Variants in ARRDC1 observed in about 807,000 individuals in gnomAD.
ARRDC1 encodes arrestin domain containing 1.
ARRDC1 carries 37 observed loss-of-function variants against 40.1 expected under a neutral mutation model. The ratio of observed to expected loss-of-function variants is 0.92; its 90% CI spans 0.71 to 1.21. ARRDC1 has a LOEUF of 1.21. Among genes scored for constraint, ARRDC1 ranks in the 50% most tolerant of loss-of-function variants. The pLI is 0.00. For synonymous variants in ARRDC1, 310 were observed against 262.5 expected, an observed-to-expected ratio of 1.18 and a Z score of -1.75; for missense variants, 641 against 581.9, an observed-to-expected ratio of 1.10 and a Z score of -1.04.
Position 137,608,022 on chromosome 9 carries a change from G to A in ARRDC1, c.118+2187G>A, listed in dbSNP as rs774189023. ...TTTCGAGACGGAGTCTCCCTCTGTCGCCCAGGCTGGAGTGTGCCGGCGCGA... is the reference window on the plus strand; with the variant it reads ...TTTCGAGACGGAGTCTCCCTCTGTCACCCAGGCTGGAGTGTGCCGGCGCGA... On this transcript the variant is annotated intron_variant, in intron 1 of 7. Transcript: ENST00000371421. 7.9e-5 allele frequency among the ~76,000 whole-genome samples: 12 copies of A among 151,892 alleles called. 1 individual carries two copies. Among genetic ancestry groups the A allele is most frequent in the South Asian group, 2.1e-4 (1 of 4,818 alleles).
chr9:137,605,728 T>G lies in ARRDC1; in HGVS notation c.11T>G (p.Val4Gly). The G allele has an allele frequency of 7.2e-7, 1 of 1,382,272 alleles. No individual in the cohort carries two copies. The highest frequency in any genetic ancestry group is 9.4e-7 in the Non-Finnish European group (1 of 1,064,878). The allele number at this position is 1,382,272 out of a possible 1,614,324, so 85.6% of individuals were successfully genotyped here. MGR[V>G]QLFEISLSHG... ...CGGTGAGGCCGCGGCATGGGGCGAG[T>G]GCAGCTCTTCGAGATCAGCCTGAGC... is the stretch of plus-strand genomic sequence containing the variant. The change falls in exon 1 of 8, where the codon GTG becomes GGG. Residue 4 changes from valine (V) to glycine (G), a missense_variant. Transcript: ENST00000371421.
At chr9:137,609,970 C>T (rs1472217944) in intron 1 of ARRDC1, among the ~76,000 whole-genome samples, 1 of 152,064 alleles carries the variant, frequency 6.6e-6, no homozygotes, top group Non-Finnish European at 1.5e-5. Flanking sequence ...CCCGCCACCA[C>T]ACCCGGCTAA....
chr9:137,613,197 G>T (rs1387009139), intron 2 of ARRDC1, 191 bp downstream of exon 2: 5 of 741,364 alleles, frequency 6.7e-6, no homozygotes, highest in African/African-American at 1.7e-5. Flanking sequence ...CCTCCCCCTT[G>T]TGCTGGATTT....
intron 1 of ARRDC1, among the ~76,000 whole-genome samples, chr9:137,606,890 C>T (rs1842433286): frequency 1.3e-5 from 2 of 152,228 alleles, no homozygotes; most frequent in South Asian, 2.1e-4. Flanking sequence ...AGGACCCTGT[C>T]GTCCTTCCCC....
rs144256580 is a variant in ARRDC1 at position 137,614,293 on chromosome 9, C to T, written c.619-6C>T. On this transcript the variant is annotated splice_region_variant and splice_polypyrimidine_tract_variant and intron_variant, in intron 5 of 7. Coordinates refer to ENST00000371421, the MANE Select transcript of ARRDC1 (RefSeq NM_152285.4). The stretch of plus-strand genomic sequence containing the variant: ...TGCGCAGGCTCACAGGCTGGTCCTT[C>T]CCCAGAAAGTGTCCTATAAGGCCAA... The T allele has an allele frequency of 3.3e-3, 5,190 of 1,586,426 alleles. 86 individuals are homozygous for T. The East Asian group carries it at 0.033, about 10-fold the overall frequency.
At position 137,613,015 on chromosome 9, in the gene ARRDC1, G is replaced by A; in HGVS notation, c.229+9G>A. The A allele has an allele frequency of 1.2e-6, 2 of 1,608,664 alleles. No homozygotes were observed. The highest frequency in any genetic ancestry group is 1.7e-6 in the Non-Finnish European group (2 of 1,175,746). ...GTCGCTGGCAGACAAGGGTAAGTTTGGGAGCCAGTTCCCGAGTGGTGACCC... is the reference window on the plus strand; with the variant it reads ...GTCGCTGGCAGACAAGGGTAAGTTTAGGAGCCAGTTCCCGAGTGGTGACCC... On this transcript the variant is annotated intron_variant, in intron 2 of 7. Transcript: ENST00000371421.
Position 137,614,722 on chromosome 9 carries a change from A to C in ARRDC1, c.959A>C (p.Glu320Ala), listed in dbSNP as rs1588992993. ...CCACCCCAGGAGGAGGCTGAGGCTGAGGCTGCGGCTGGCGGCCCCCACTTC... is the reference window on the plus strand; with the variant it reads ...CCACCCCAGGAGGAGGCTGAGGCTGCGGCTGCGGCTGGCGGCCCCCACTTC... ...SAPPQEEAEA[E>A]AAAGGPHFLD... is the part of the protein sequence containing the mutation. Residue 320 changes from glutamate to alanine, a missense_variant, in exon 7 of 8, where the codon GAG becomes GCG. By Grantham distance (107) the Glu-to-Ala change is moderately radical. Coordinates refer to ENST00000371421, the MANE Select transcript of ARRDC1 (RefSeq NM_152285.4). 6.2e-7 allele frequency: 1 copy of C among 1,609,034 alleles called. No individual in the cohort carries two copies. Among genetic ancestry groups the C allele is most frequent in the Non-Finnish European group, 8.5e-7 (1 of 1,178,074 alleles).
chr9:137,613,193 C>T, intron 2 of ARRDC1, 187 bp downstream of exon 2: 1 of 742,770 alleles, frequency 1.3e-6, no homozygotes. Flanking sequence ...GCCACCTCCC[C>T]CTTGTGCTGG....
Position 137,612,912 on chromosome 9 carries a change from C to T in ARRDC1, c.135C>T (p.Cys45=). The T allele has an allele frequency of 1.2e-6, 2 of 1,613,990 alleles. No homozygotes were observed. The highest frequency in any genetic ancestry group is 1.7e-6 in the Non-Finnish European group (2 of 1,179,908). Residue 45 remains cysteine (C), a synonymous_variant, in exon 2 of 8, where the codon TGC becomes TGT. Coordinates refer to ENST00000371421, the MANE Select transcript of ARRDC1 (RefSeq NM_152285.4). ...CCTTTGCAGCCATCCGGGTGACCTG[C>T]ATAGGTTCCTGCGGGGTCTCCAACA... is the stretch of plus-strand genomic sequence containing the variant. The part of the protein sequence containing the change: ...PLPFRAIRVT[C]IGSCGVSNKA...
intron 2 of ARRDC1, 162 bp from the exon 3 acceptor site, chr9:137,613,298 T>G: frequency 1.2e-6 from 1 of 851,354 alleles, no homozygotes; most frequent in African/African-American, 1.7e-5. Flanking sequence ...TCCTCAGTCC[T>G]TCACCCAAGC....
At position 137,614,692 on chromosome 9, in the gene ARRDC1, C is replaced by G; in HGVS notation, c.929C>G (p.Ser310Cys). 2 of 1,611,496 alleles carry G rather than the reference C, an allele frequency of 1.2e-6. No homozygotes were observed. The highest frequency in any genetic ancestry group is 2.2e-5 in the South Asian group (2 of 90,994). ...GGGGCCCCACCCCTGGTGGTGCCTTCCGCACCACCCCAGGAGGAGGCTGAG... is the reference window on the plus strand; with the variant it reads ...GGGGCCCCACCCCTGGTGGTGCCTTGCGCACCACCCCAGGAGGAGGCTGAG... ...PPGAPPLVVP[S>C]APPQEEAEAE... The change falls in exon 7 of 8, where the codon TCC (serine) becomes TGC (cysteine). Residue 310 changes from serine (S) to cysteine (C), a missense_variant. Coordinates refer to ENST00000371421, the MANE Select transcript of ARRDC1 (RefSeq NM_152285.4).
At chr9:137,613,872 A>T (rs528226106) in intron 4 of ARRDC1, 103 bp downstream of exon 4, 1 of 1,542,926 alleles carries the variant, frequency 6.5e-7, no homozygotes, top group East Asian at 2.3e-5. Context: ...TCCCCAGCTG[A>T]GGTGAGGGGG....
intron 1 of ARRDC1, among the ~76,000 whole-genome samples, chr9:137,608,579 C>G (rs564381161): frequency 6.6e-6 from 1 of 152,262 alleles, no homozygotes; most frequent in Non-Finnish European, 1.5e-5. Flanking sequence ...ATGTATTGCT[C>G]TGGCTTCTCC....
rs777120121 is a variant in ARRDC1 at position 137,613,002 on chromosome 9, CAA to C, written c.226_227del (p.Lys76GlyfsTer25). On this transcript the variant is annotated frameshift_variant and splice_region_variant, in exon 2 of 8. Coordinates refer to ENST00000371421, the MANE Select transcript of ARRDC1 (RefSeq NM_152285.4). LOFTEE classifies it high-confidence loss of function. Reference protein sequence around the residue: ...YFNSSLSLADKGSLPAGEHSF... With the variant: ...YFNSSLSLADXGSLPAGEHSF... ...TCAACAGTTCCCTGTCGCTGGCAGACAAGGGTAAGTTTGGGAGCCAGTTCCCG... is the reference window on the plus strand; with the variant it reads ...TCAACAGTTCCCTGTCGCTGGCAGACGGGTAAGTTTGGGAGCCAGTTCCCG... The C allele has an allele frequency of 1.2e-6, 2 of 1,613,010 alleles. No individual in the cohort carries two copies. The highest frequency in any genetic ancestry group is 1.1e-5 in the South Asian group (1 of 90,926).
rs1171572837 is a variant in ARRDC1 at position 137,614,102 on chromosome 9, C to T, written c.506C>T (p.Thr169Ile). 1.9e-6 allele frequency: 3 copies of T among 1,613,876 alleles called. No homozygotes were observed. Among genetic ancestry groups the T allele is most frequent in the Non-Finnish European group, 2.5e-6 (3 of 1,180,004 alleles). The stretch of plus-strand genomic sequence containing the variant: ...GTGAAGACGGGCAGCGTGGTCCTCA[C>T]AGCCAGCACTGATCTCCGCGGCTAT... ...KLVKTGSVVL[T>I]ASTDLRGYVV... Residue 169 changes from threonine to isoleucine, a missense_variant, in exon 5 of 8, where the codon ACA becomes ATA. Thr to Ile is a moderately conservative substitution (Grantham distance 89). Transcript: ENST00000371421.
intron 1 of ARRDC1, among the ~76,000 whole-genome samples, chr9:137,611,240 CAG>C (rs1842510658): frequency 6.6e-6 from 1 of 152,206 alleles, no homozygotes; most frequent in African/African-American, 2.4e-5. Flanking sequence ...GCCTGGCTAA[CAG>C]AGCATGGATT....
intron 1 of ARRDC1, among the ~76,000 whole-genome samples, chr9:137,607,603 G>T (rs1195792404): frequency 1.3e-5 from 2 of 152,238 alleles, no homozygotes; most frequent in African/African-American, 4.8e-5. Flanking sequence ...CTCATGGTGG[G>T]CCCGATGCAA....
At chr9:137,613,289 C>A in intron 2 of ARRDC1, 171 bp from the exon 3 acceptor site, 1 of 812,316 alleles carries the variant, frequency 1.2e-6, no homozygotes, top group Non-Finnish European at 2.0e-6. Flanking sequence ...AAGCTCTTAT[C>A]CTCAGTCCTT....
chr9:137,607,427 G>A (rs1367309436), intron 1 of ARRDC1, among the ~76,000 whole-genome samples: 1 of 152,240 alleles, frequency 6.6e-6, no homozygotes, highest in Non-Finnish European at 1.5e-5. Context: ...GCACCCAGCC[G>A]TGAGGACACC....
Sources: gnomAD v4.1 joint callset for allele counts (sites outside exome capture counted in the v4.1 genomes callset) on GRCh38, gnomAD v4.1.1 for gene constraint, MANE v1.5 for transcripts, NCBI Gene and HGNC (gene_info 2026-07-23, HGNC 2026-07-21) for gene names.